PTPRD: variants seen among roughly 807,000 people sequenced by gnomAD.
PTPRD encodes protein tyrosine phosphatase receptor type D.
Under a neutral mutation model 214.5 loss-of-function variants are expected in PTPRD, and 34 were observed. The ratio of observed to expected loss-of-function variants is 0.16; its 90% CI spans 0.12 to 0.21. The LOEUF (loss-of-function observed/expected upper bound fraction) is 0.21. PTPRD is among the 10% of genes least tolerant of loss of function. The probability of loss-of-function intolerance (pLI) is 1.00; values close to 1 mark genes in which losing one functional copy is unlikely to be tolerated. For synonymous variants in PTPRD, 1,128 were observed against 845.7 expected (o/e 1.33, Z -5.79); for missense variants, 2,545 against 2,398.7 (o/e 1.06, Z -1.27).
chr9:10,526,631 C>T (rs2054370624), intron 2 of PTPRD, among the ~76,000 whole-genome samples: 1 of 151,966 alleles, frequency 6.6e-6, no homozygotes, highest in Admixed American at 6.6e-5. Context: ...CACACAGTAC[C>T]CTCCTTACTC....
At chr9:9,848,711 A>G (rs1216665664) in intron 5 of PTPRD, among the ~76,000 whole-genome samples, 2 of 152,134 alleles carry the variant, frequency 1.3e-5, no homozygotes, top group Non-Finnish European at 2.9e-5. Flanking sequence ...TATCAAATAT[A>G]TCCTTACATC....
chr9:9,234,044 C>A (rs974007567), intron 9 of PTPRD, among the ~76,000 whole-genome samples: 10 of 152,174 alleles, frequency 6.6e-5, no homozygotes, highest in Admixed American at 5.9e-4. Context: ...GCTCCAACCC[C>A]ACATTTCCCT....
chr9:10,047,308 CTAACTGTG>C (rs775724395), intron 3 of PTPRD, among the ~76,000 whole-genome samples: 1 of 117,186 alleles, frequency 8.5e-6, no homozygotes, highest in Admixed American at 9.1e-5. Context: ...ATAAAATCAA[CTAACTGTG>C]TGTGTGTGTG....
chr9:8,957,150 T>C (rs1180328921), intron 11 of PTPRD, among the ~76,000 whole-genome samples: 2 of 151,880 alleles, frequency 1.3e-5, no homozygotes, highest in Admixed American at 1.3e-4. Flanking sequence ...CTTGACTCTC[T>C]CCTGGCTAGG....
chr9:10,233,979 C>G (rs187278537), intron 3 of PTPRD, among the ~76,000 whole-genome samples: 2 of 151,562 alleles, frequency 1.3e-5, no homozygotes, highest in Non-Finnish European at 2.9e-5. Flanking sequence ...AGAATGAAAG[C>G]AAGATGATCA....
chr9:10,235,245 G>A lies in PTPRD; in HGVS notation c.-545+105718C>T, dbSNP rs569025966. 1.2e-3 allele frequency among the ~76,000 whole-genome samples: 175 copies of A among 152,000 alleles called. 1 individual carries two copies. Among genetic ancestry groups the A allele is most frequent in the African/African-American group, 3.7e-3 (155 of 41,506 alleles). ...TTAGCTAAACGGATTACATTTTTAAGAAGTCTCTGAATTTCCATAACCTTA... is the reference window on the plus strand; with the variant it reads ...TTAGCTAAACGGATTACATTTTTAAAAAGTCTCTGAATTTCCATAACCTTA... On this transcript the variant is annotated intron_variant, in intron 3 of 45. Transcript: ENST00000381196.
intron 10 of PTPRD, among the ~76,000 whole-genome samples, chr9:9,037,325 C>A (rs1282225664): frequency 3.3e-5 from 5 of 151,992 alleles, no homozygotes; most frequent in African/African-American, 9.7e-5. Flanking sequence ...CACTTTAATC[C>A]TATAAAGAGT....
chr9:8,743,885 A>G (rs1029676844), intron 11 of PTPRD, among the ~76,000 whole-genome samples: 3 of 151,610 alleles, frequency 2.0e-5, no homozygotes, highest in Non-Finnish European at 4.4e-5. Context: ...CAAAATCCAT[A>G]CATCGACATA....
At chr9:9,236,424 G>C (rs1440954533) in intron 9 of PTPRD, among the ~76,000 whole-genome samples, 1 of 151,910 alleles carries the variant, frequency 6.6e-6, no homozygotes, top group African/African-American at 2.4e-5. Context: ...GCAGAAATTA[G>C]ATTAGAAACA....
At chr9:9,894,401 G>T (rs570166689) in intron 5 of PTPRD, among the ~76,000 whole-genome samples, 1 of 152,168 alleles carries the variant, frequency 6.6e-6, no homozygotes, top group African/African-American at 2.4e-5. Context: ...AAGGCTCATT[G>T]TCTCTACAAT....
chr9:8,557,745 T>TAAAAAAAA (rs752836520), intron 14 of PTPRD, among the ~76,000 whole-genome samples: 2 of 46,782 alleles, frequency 4.3e-5, no homozygotes, highest in Non-Finnish European at 7.5e-5. Flanking sequence ...TGTCTCTCAA[T>TAAAAAAAA]AAAAAAAAAA....
At chr9:9,935,059 T>C (rs1332181646) in intron 5 of PTPRD, among the ~76,000 whole-genome samples, 1 of 152,170 alleles carries the variant, frequency 6.6e-6, no homozygotes, top group Non-Finnish European at 1.5e-5. Flanking sequence ...AAATTAGGTA[T>C]TGATGGGATG....
chr9:10,559,562 T>C (rs926861525), intron 2 of PTPRD, among the ~76,000 whole-genome samples: 2 of 152,000 alleles, frequency 1.3e-5, no homozygotes, highest in Non-Finnish European at 1.5e-5. Flanking sequence ...ACAAATGAGA[T>C]CTAATTAAAC....
At chr9:9,615,145 TTTC>T (rs2094779142) in intron 7 of PTPRD, among the ~76,000 whole-genome samples, 1 of 152,120 alleles carries the variant, frequency 6.6e-6, no homozygotes, top group Non-Finnish European at 1.5e-5. Context: ...CCTGGCAATA[TTTC>T]CACAGACACC....
rs539130530 is a variant in PTPRD, at chr9:9,931,962, G to T, written c.-368+6545C>A. Among the ~76,000 whole-genome samples the T allele has an allele frequency of 2.5e-3, 381 of 151,980 alleles. 2 individuals carry two copies. Among genetic ancestry groups the T allele is most frequent in the African/African-American group, 8.7e-3 (361 of 41,448 alleles). On this transcript the variant is annotated intron_variant, in intron 5 of 45. Transcript: ENST00000381196. ...TAACTGGGAGGCACCCCCCAGCAGG[G>T]GCACACTGACACCTCACACAGCAGA...
intron 11 of PTPRD, among the ~76,000 whole-genome samples, chr9:8,886,512 A>G (rs1409309933): frequency 2.6e-5 from 4 of 152,140 alleles, no homozygotes; most frequent in African/African-American, 9.7e-5. Flanking sequence ...TTTTGTTTTA[A>G]GTTCTAGTTG....
chr9:8,928,838 C>A (rs186021914), intron 11 of PTPRD, among the ~76,000 whole-genome samples: 70 of 152,026 alleles, frequency 4.6e-4, no homozygotes, highest in Non-Finnish European at 9.6e-4. Context: ...GAATGTTTTT[C>A]CATTTGTTTG....
chr9:9,554,994 A>G (rs73407056), intron 8 of PTPRD, among the ~76,000 whole-genome samples: 5,939 of 152,174 alleles, frequency 0.039, 184 homozygotes, highest in African/African-American at 0.079. Context: ...CTAATGGGTT[A>G]GAATTTTTAT....
intron 12 of PTPRD, among the ~76,000 whole-genome samples, chr9:8,695,677 A>T (rs1351290981): frequency 1.3e-5 from 2 of 152,204 alleles, no homozygotes; most frequent in Admixed American, 1.3e-4. Context: ...CTATAGCTGA[A>T]CTTCATAGAA....
Sources: gnomAD v4.1 joint callset for allele counts (sites outside exome capture counted in the v4.1 genomes callset) on GRCh38, gnomAD v4.1.1 for gene constraint, MANE v1.5 for transcripts, NCBI Gene and HGNC (gene_info 2026-07-23, HGNC 2026-07-21) for gene names.